Variants in UBAC2 observed in about 807,000 individuals in gnomAD.
UBAC2 encodes the protein UBA domain containing 2.
Under a neutral mutation model 44.0 loss-of-function variants are expected in UBAC2, and 26 were observed. The observed-to-expected ratio is 0.59, with a 90% confidence interval of 0.43 to 0.82. UBAC2 has a LOEUF of 0.82. UBAC2 is among the 40% of genes least tolerant of loss of function. The pLI is 0.00. For synonymous variants in UBAC2, 155 were observed against 154.3 expected (o/e 1.00, Z -0.04); for missense variants, 329 against 419.4 (o/e 0.78, Z 1.88).
At chr13:99,229,999 G>T (rs2043154905) in intron 1 of UBAC2, among the ~76,000 whole-genome samples, 3 of 152,142 alleles carry the variant, frequency 2.0e-5, no homozygotes, top group Admixed American at 2.0e-4. Flanking sequence ...TTCTGAGTTT[G>T]GCTGAGTTTC....
intron 1 of UBAC2, among the ~76,000 whole-genome samples, chr13:99,218,801 CT>C (rs1566452058): frequency 6.6e-6 from 1 of 152,150 alleles, no homozygotes; most frequent in Non-Finnish European, 1.5e-5. Flanking sequence ...CCTGGACAGT[CT>C]TTGTTGAGAC....
intron 1 of UBAC2, among the ~76,000 whole-genome samples, chr13:99,210,963 T>C (rs1197386890): frequency 6.6e-6 from 1 of 152,160 alleles, no homozygotes; most frequent in African/African-American, 2.4e-5. Context: ...CAGAATTAGG[T>C]TGTTTCTCCC....
intron 1 of UBAC2, among the ~76,000 whole-genome samples, chr13:99,213,862 C>T (rs1391598520): frequency 1.3e-5 from 2 of 152,114 alleles, no homozygotes; most frequent in East Asian, 1.9e-4. Flanking sequence ...CTTTGTCGCT[C>T]AGGCTGGAGT....
chr13:99,331,945 G>T (rs545667426), intron 6 of UBAC2, among the ~76,000 whole-genome samples: 2 of 152,168 alleles, frequency 1.3e-5, no homozygotes, highest in African/African-American at 4.8e-5. Flanking sequence ...ATGAGGTCTC[G>T]GTGGGTCTGG....
chr13:99,368,099 ATTGG>A (rs1405656424), intron 8 of UBAC2, among the ~76,000 whole-genome samples, 193 bp downstream of exon 8: 1 of 144,198 alleles, frequency 6.9e-6, no homozygotes, highest in African/African-American at 2.5e-5. Flanking sequence ...GGAAGGCATT[ATTGG>A]TTGGGGGGCG....
At chr13:99,268,647 G>T (rs1039032822) in intron 4 of UBAC2, among the ~76,000 whole-genome samples, 23 of 148,026 alleles carry the variant, frequency 1.6e-4, no homozygotes, top group East Asian at 4.0e-4. Context: ...AACACAAAAG[G>T]TAAAGAAGGT....
chr13:99,303,453 G>A (rs1446900016), intron 4 of UBAC2, among the ~76,000 whole-genome samples: 1 of 152,194 alleles, frequency 6.6e-6, no homozygotes, highest in Non-Finnish European at 1.5e-5. Flanking sequence ...AGCCACCTAT[G>A]TGGCTTTTGG....
At chr13:99,327,446 CTA>C (rs1252049390) in intron 6 of UBAC2, among the ~76,000 whole-genome samples, 1 of 151,798 alleles carries the variant, frequency 6.6e-6, no homozygotes, top group Non-Finnish European at 1.5e-5. Flanking sequence ...TCTCTTTAAA[CTA>C]TATGTAGTTT....
At chr13:99,221,111 A>G (rs1388574182) in intron 1 of UBAC2, among the ~76,000 whole-genome samples, 1 of 152,188 alleles carries the variant, frequency 6.6e-6, no homozygotes, top group Non-Finnish European at 1.5e-5. Flanking sequence ...AACATAATTT[A>G]CCCATTTCCC....
intron 6 of UBAC2, among the ~76,000 whole-genome samples, chr13:99,332,670 G>T (rs2044732725): frequency 6.6e-6 from 1 of 152,146 alleles, no homozygotes; most frequent in South Asian, 2.1e-4. Flanking sequence ...TCCAACTCGA[G>T]CTTGTCTTCC....
intron 1 of UBAC2, among the ~76,000 whole-genome samples, chr13:99,225,370 C>G (rs943481098): frequency 6.6e-6 from 1 of 152,176 alleles, no homozygotes; most frequent in Admixed American, 6.5e-5. Flanking sequence ...GTGAATTTTA[C>G]TACTCTAGGT....
At chr13:99,262,536 C>T (rs71437998) in intron 4 of UBAC2, among the ~76,000 whole-genome samples, 1 of 151,806 alleles carries the variant, frequency 6.6e-6, no homozygotes, top group Non-Finnish European at 1.5e-5. Flanking sequence ...AACCCTGTCT[C>T]TACTAAAAAT....
chr13:99,342,851 C>A (rs1033321662), intron 7 of UBAC2, among the ~76,000 whole-genome samples: 2 of 152,198 alleles, frequency 1.3e-5, no homozygotes, highest in African/African-American at 4.8e-5. Context: ...AGTTGATGAC[C>A]AAATGTGCTG....
intron 2 of UBAC2, 31 bp from the exon 3 acceptor site, chr13:99,243,801 G>T: frequency 6.5e-7 from 1 of 1,542,764 alleles, no homozygotes; most frequent in East Asian, 2.4e-5. Flanking sequence ...TTTTACTCTT[G>T]TTTATTGTTC....
In UBAC2 at chr13:99,255,672, C is replaced by T; in HGVS notation, c.389+11048C>T. ...GTAAAGTCATTATAAATATCAAGTC[C>T]ACTAATGCCACATTCATCATATAGA... is the stretch of plus-strand genomic sequence containing the variant. On this transcript the variant is annotated intron_variant, in intron 4 of 8. Transcript: ENST00000403766. 3 of 1,613,904 alleles carry T rather than the reference C, an allele frequency of 1.9e-6. No individual in the cohort carries two copies. The South Asian group carries it at 3.3e-5, about 18-fold the overall frequency.
intron 4 of UBAC2, among the ~76,000 whole-genome samples, chr13:99,246,010 G>C (rs2142744392): frequency 6.6e-6 from 1 of 152,288 alleles, no homozygotes; most frequent in South Asian, 2.1e-4. Context: ...TTAAAATTCT[G>C]TGTGTACTAT....
rs1249698844 is a variant in UBAC2 at position 99,385,228 on chromosome 13, G to T, written c.928G>T (p.Val310Phe). The T allele has an allele frequency of 6.2e-7, 1 of 1,613,460 alleles. No individual in the cohort carries two copies. The highest frequency in any genetic ancestry group is 8.5e-7 in the Non-Finnish European group (1 of 1,179,410). The change falls in exon 9 of 9, where the codon GTC (valine) becomes TTC (phenylalanine). Residue 310 changes from valine to phenylalanine, a missense_variant and splice_region_variant. By Grantham distance (50) the Val-to-Phe change is conservative (BLOSUM62 -1). Coordinates refer to ENST00000403766, the MANE Select transcript of UBAC2 (RefSeq NM_001144072.2). The part of the protein sequence containing the change: ...APPLEVSEEQ[V>F]ARLMEMGFSR... The stretch of plus-strand genomic sequence containing the variant: ...GTTTCTGCGTTTTCTCTGCCTGCAG[G>T]TCGCCCGGCTCATGGAGATGGGATT...
chr13:99,356,786 T>A (rs2045191207), intron 7 of UBAC2, among the ~76,000 whole-genome samples: 1 of 152,230 alleles, frequency 6.6e-6, no homozygotes, highest in Non-Finnish European at 1.5e-5. Context: ...TTTTTAAGAC[T>A]TTACCAAGGA....
intron 7 of UBAC2, among the ~76,000 whole-genome samples, chr13:99,362,148 A>G (rs1231456833): frequency 6.6e-6 from 1 of 152,226 alleles, no homozygotes; most frequent in Non-Finnish European, 1.5e-5. Flanking sequence ...GTATATGCAT[A>G]TTCTTGTACA....
Sources: gnomAD v4.1 joint callset for allele counts (sites outside exome capture counted in the v4.1 genomes callset) on GRCh38, gnomAD v4.1.1 for gene constraint, MANE v1.5 for transcripts, NCBI Gene and HGNC (gene_info 2026-07-23, HGNC 2026-07-21) for gene names.